P4HB: variants seen among roughly 807,000 people sequenced by gnomAD.
The protein encoded by P4HB is protein disulfide-isomerase.
Under a neutral mutation model 52.6 loss-of-function variants are expected in P4HB, and 20 were observed. The observed-to-expected ratio is 0.38, with a 90% CI of 0.27 to 0.55. The LOEUF is 0.55. Ranked by LOEUF, P4HB falls within the 20% of genes least tolerant of loss-of-function variation. The probability of loss-of-function intolerance (pLI) is 0.74; values close to 1 mark genes in which losing one functional copy is unlikely to be tolerated. For missense variants in P4HB, 601 were observed against 669.2 expected, an observed-to-expected ratio of 0.90 and a Z score of 1.12; for synonymous variants, 296 against 277.9, an observed-to-expected ratio of 1.07 and a Z score of -0.65.
In P4HB at chr17:81,860,415, G is replaced by A. The variant is rs2038981410; in HGVS notation, c.57C>T (p.Ala19=). 7.0e-7 allele frequency: 1 copy of A among 1,436,142 alleles called. No individual in the cohort carries two copies. The highest frequency in any genetic ancestry group is 3.1e-5 in the East Asian group (1 of 32,774). The allele number at this position is 1,436,142 out of a possible 1,614,324, so 89.0% of individuals were successfully genotyped here. The change falls in exon 1 of 11, where the codon GCC becomes GCT. Residue 19 remains alanine, a synonymous_variant. Coordinates refer to ENST00000331483, the MANE Select transcript of P4HB (RefSeq NM_000918.4). ...LAVAALVRAD[A]PEEEDHVLVL... ...CCAGGACGTGGTCCTCCTCCTCGGG[G>A]GCGTCGGCGCGCACCAGGGCGGCCA...
At chr17:81,848,427 A>G (rs2038773033) in intron 4 of P4HB, among the ~76,000 whole-genome samples, 1 of 152,074 alleles carries the variant, frequency 6.6e-6, no homozygotes, top group Non-Finnish European at 1.5e-5. Flanking sequence ...GATAACATGT[A>G]ATGGGATTAT....
At chr17:81,852,330 A>C (rs1181952508) in intron 4 of P4HB, among the ~76,000 whole-genome samples, 3 of 152,222 alleles carry the variant, frequency 2.0e-5, no homozygotes, top group Non-Finnish European at 4.4e-5. Context: ...AGGGAAGAGC[A>C]GGCAAGAGCG....
chr17:81,857,922 C>T (rs1164071115), intron 2 of P4HB, among the ~76,000 whole-genome samples: 2 of 152,192 alleles, frequency 1.3e-5, no homozygotes, highest in Non-Finnish European at 2.9e-5. Flanking sequence ...CATCTGCAAA[C>T]CTGAGTGTTA....
chr17:81,852,292 C>T (rs2038844200), intron 4 of P4HB, among the ~76,000 whole-genome samples: 1 of 152,194 alleles, frequency 6.6e-6, no homozygotes, highest in South Asian at 2.1e-4. Context: ...AGAGGTTTTC[C>T]TGGGTTGCAG....
chr17:81,857,271 C>G (rs1315997597), intron 2 of P4HB, among the ~76,000 whole-genome samples: 3 of 152,098 alleles, frequency 2.0e-5, no homozygotes, highest in Non-Finnish European at 4.4e-5. Context: ...TGTCAGCCTC[C>G]CAAGTAGCTG....
At chr17:81,847,173 C>G in intron 5 of P4HB, 70 bp downstream of exon 5, 2 of 1,599,244 alleles carry the variant, frequency 1.3e-6, no homozygotes, top group Non-Finnish European at 1.7e-6. Context: ...GCAGTGGTGA[C>G]CGGGAGCCTC....
chr17:81,845,409 G>C, intron 9 of P4HB, 152 bp downstream of exon 9: 2 of 875,866 alleles, frequency 2.3e-6, no homozygotes, highest in Non-Finnish European at 1.8e-6. Flanking sequence ...CATCTCTCTC[G>C]AAAAACAAAG....
In P4HB at chr17:81,843,798, C is replaced by A; in HGVS notation, c.*214G>T. 1 of 604,422 alleles carries A rather than the reference C, an allele frequency of 1.7e-6. No individual in the cohort carries two copies. The highest frequency in any genetic ancestry group is 2.9e-6 in the Non-Finnish European group (1 of 340,002). 37.4% of individuals were successfully genotyped at this position (604,422 alleles called of 1,614,324 possible). The stretch of plus-strand genomic sequence containing the variant: ...AACAAGCCCCACCAGGGTGGGCTGC[C>A]TGGAGATGGATCCCTTTCCAAAAAC... On this transcript the variant is annotated 3_prime_UTR_variant, in exon 11 of 11. Transcript: ENST00000331483.
intron 4 of P4HB, among the ~76,000 whole-genome samples, chr17:81,854,882 AT>A (rs1025819515): frequency 1.2e-4 from 18 of 150,008 alleles, no homozygotes; most frequent in African/African-American, 4.5e-4. Flanking sequence ...TTTTATCATA[AT>A]TGAAAAAAAA....
intron 2 of P4HB, among the ~76,000 whole-genome samples, chr17:81,856,347 T>G (rs1194549330): frequency 6.6e-6 from 1 of 151,456 alleles, no homozygotes; most frequent in Non-Finnish European, 1.5e-5. Context: ...TTTTTTTTTT[T>G]TTTTTTTGAG....
At position 81,845,985 on chromosome 17, in the gene P4HB, G is replaced by C; in HGVS notation, c.1063C>G (p.Leu355Val). Residue 355 changes from leucine to valine, a missense_variant, in exon 8 of 11, where the codon CTG (leucine) becomes GTG (valine). Leu to Val is a conservative substitution (Grantham distance 32, BLOSUM62 1). Coordinates refer to ENST00000331483, the MANE Select transcript of P4HB (RefSeq NM_000918.4). ...RFLEGKIKPHLMSQELPEDWD... is the reference protein window; with the variant it reads ...RFLEGKIKPHVMSQELPEDWD... ...TCCTCCGGCAGCTCCTGGCTCATCA[G>C]GTGGGGCTGGAGGGCAGGCAGGGCA... is the stretch of plus-strand genomic sequence containing the variant. 3.7e-6 allele frequency: 6 copies of C among 1,609,014 alleles called. No homozygotes were observed. Among genetic ancestry groups the C allele is most frequent in the Non-Finnish European group, 5.1e-6 (6 of 1,177,134 alleles).
chr17:81,855,321 G>A lies in P4HB; in HGVS notation c.487-42C>T. ...AAGCAGAGGTCGTCATGATCCCGCA[G>A]CACCAAGCAGTAGGGCAGACCCTGT... On this transcript the variant is annotated intron_variant, in intron 3 of 10. Transcript: ENST00000331483. The surrounding 1 kb of genome is among the most constrained non-coding windows in gnomAD (Gnocchi z 4.3). 6.2e-7 allele frequency: 1 copy of A among 1,612,840 alleles called. No homozygotes were observed. The highest frequency in any genetic ancestry group is 8.5e-7 in the Non-Finnish European group (1 of 1,179,478).
Position 81,846,890 on chromosome 17 carries a change from G to A in P4HB, c.855+57C>T, listed in dbSNP as rs2038743757. On this transcript the variant is annotated intron_variant, in intron 6 of 10. Transcript: ENST00000331483. This position sits in a 1 kb window ranked among gnomAD's most constrained non-coding sequence, Gnocchi z 5.7. ...GAAGGCCCCACACTTGTCACCTCGGGAAGAGTTGTACTGCTCCCTGGCACC... is the reference window on the plus strand; with the variant it reads ...GAAGGCCCCACACTTGTCACCTCGGAAAGAGTTGTACTGCTCCCTGGCACC... 3.7e-6 allele frequency: 6 copies of A among 1,604,748 alleles called. No individual in the cohort carries two copies. The highest frequency in any genetic ancestry group is 2.2e-4 in the Middle Eastern group (1 of 4,646).
chr17:81,855,342 C>G lies in P4HB; in HGVS notation c.487-63G>C. 1 of 1,607,712 alleles carries G rather than the reference C, an allele frequency of 6.2e-7. No homozygotes were observed. Among genetic ancestry groups the G allele is most frequent in the Non-Finnish European group, 8.5e-7 (1 of 1,175,634 alleles). On this transcript the variant is annotated intron_variant, in intron 3 of 10. Transcript: ENST00000331483. This position sits in a 1 kb window ranked among gnomAD's most constrained non-coding sequence, Gnocchi z 4.3. Reference sequence around the variant, plus strand: ...CGCAGCACCAAGCAGTAGGGCAGACCCTGTAGAGCCCAGGCCAGGGGGGAC... The same window carrying G: ...CGCAGCACCAAGCAGTAGGGCAGACGCTGTAGAGCCCAGGCCAGGGGGGAC...
At position 81,846,011 on chromosome 17, in the gene P4HB, C is replaced by T. The variant is rs200948725; in HGVS notation, c.1057-20G>A. 23 of 1,592,974 alleles carry T rather than the reference C, an allele frequency of 1.4e-5. No homozygotes were observed. The highest frequency in any genetic ancestry group is 4.5e-5 in the South Asian group (4 of 89,696). ...GTGGGGCTGGAGGGCAGGCAGGGCACGGTGAGGGGCGGCGATGCCTGGGGG... is the reference window on the plus strand; with the variant it reads ...GTGGGGCTGGAGGGCAGGCAGGGCATGGTGAGGGGCGGCGATGCCTGGGGG... On this transcript the variant is annotated intron_variant, in intron 7 of 10. Transcript: ENST00000331483. The surrounding 1 kb of genome is among the most constrained non-coding windows in gnomAD (Gnocchi z 5.7).
rs532462491 is a variant in P4HB, at chr17:81,844,055, A to G, written c.1484T>C (p.Met495Thr). 6.2e-7 allele frequency: 1 copy of G among 1,613,822 alleles called. No individual in the cohort carries two copies. The highest frequency in any genetic ancestry group is 1.3e-5 in the African/African-American group (1 of 75,040). ...EDLEEAEEPD[M>T]EEDDDQKAVK... is the part of the protein sequence containing the mutation. The stretch of plus-strand genomic sequence containing the variant: ...AGCTTTCTGATCATCGTCTTCCTCC[A>G]TGTCTGGCTCCTCTGCTTCTTCCAG... The change falls in exon 11 of 11, where the codon ATG (methionine) becomes ACG (threonine). Residue 495 changes from methionine (M) to threonine (T), a missense_variant. Transcript: ENST00000331483.
At chr17:81,857,882 A>C (rs979256395) in intron 2 of P4HB, among the ~76,000 whole-genome samples, 2 of 152,228 alleles carry the variant, frequency 1.3e-5, no homozygotes, top group African/African-American at 4.8e-5. Flanking sequence ...GACGGTCACC[A>C]GTGACAAGTG....
rs1394092147 is a variant in P4HB, at chr17:81,846,359, T to A, written c.1056+70A>T. 1 of 1,402,754 alleles carries A rather than the reference T, an allele frequency of 7.1e-7. No individual in the cohort carries two copies. 86.9% of individuals were successfully genotyped at this position (1,402,754 alleles called of 1,614,324 possible). A position where few individuals can be genotyped will look rare whatever the true frequency, so the allele number is the denominator to read the frequency against. ...ACTTTGAGGACGAAGCCCAGGACACTGAGAGCCCAGAGACCCCAAGGTGGC... is the reference window on the plus strand; with the variant it reads ...ACTTTGAGGACGAAGCCCAGGACACAGAGAGCCCAGAGACCCCAAGGTGGC... On this transcript the variant is annotated intron_variant, in intron 7 of 10. Transcript: ENST00000331483. The surrounding 1 kb of genome is among the most constrained non-coding windows in gnomAD (Gnocchi z 5.7).
At position 81,860,430 on chromosome 17, in the gene P4HB, C is replaced by T; in HGVS notation, c.42G>A (p.Leu14=). The T allele has an allele frequency of 1.4e-6, 2 of 1,416,552 alleles. No homozygotes were observed. The highest frequency in any genetic ancestry group is 1.9e-6 in the Non-Finnish European group (2 of 1,081,044). 87.7% of individuals were successfully genotyped at this position (1,416,552 alleles called of 1,614,324 possible). ...RALLCLAVAA[L]VRADAPEEED... is the part of the protein sequence containing the mutation. The stretch of plus-strand genomic sequence containing the variant: ...CCTCCTCGGGGGCGTCGGCGCGCAC[C>T]AGGGCGGCCACGGCCAGGCACAGCA... Residue 14 remains leucine, a synonymous_variant, in exon 1 of 11, where the codon CTG becomes CTA. Coordinates refer to ENST00000331483, the MANE Select transcript of P4HB (RefSeq NM_000918.4).
Sources: allele counts gnomAD v4.1 joint callset (sites outside exome capture counted in the v4.1 genomes callset), GRCh38; gene constraint gnomAD v4.1.1; non-coding constraint Gnocchi (gnomAD v3.1); transcripts MANE v1.5; gene names NCBI Gene and HGNC (gene_info 2026-07-23, HGNC 2026-07-21).